ILRUN: variants seen among roughly 807,000 people sequenced by gnomAD.
The protein encoded by ILRUN is inflammation and lipid regulator with UBA-like and NBR1-like domains.
A neutral mutation model predicts 33.8 loss-of-function variants in ILRUN; 3 were observed. The observed-to-expected ratio is 0.09, with a 90% CI of 0.04 to 0.23. ILRUN has a LOEUF of 0.23. Ranked by LOEUF, ILRUN falls within the 10% of genes least tolerant of loss-of-function variation. The pLI, the probability that ILRUN is intolerant of heterozygous loss-of-function variation, is 1.00. For synonymous variants in ILRUN, 124 were observed against 138.9 expected, an observed-to-expected ratio of 0.89 and a Z score of 0.75; for missense variants, 210 against 375.1, an observed-to-expected ratio of 0.56 and a Z score of 3.64.
At chr6:34,610,717 CCTT>C (rs1761730971) in intron 3 of ILRUN, among the ~76,000 whole-genome samples, 1 of 152,190 alleles carries the variant, frequency 6.6e-6, no homozygotes, top group Non-Finnish European at 1.5e-5. Flanking sequence ...TTTTACTCCT[CCTT>C]GTCTACCACC....
chr6:34,676,602 A>G (rs1582101787), intron 1 of ILRUN, among the ~76,000 whole-genome samples: 1 of 152,050 alleles, frequency 6.6e-6, no homozygotes, highest in East Asian at 2.0e-4. Context: ...TCCTGGGCTC[A>G]AGTGATCCAA....
At chr6:34,607,897 G>A (rs190828386) in intron 3 of ILRUN, among the ~76,000 whole-genome samples, 106 of 152,188 alleles carry the variant, frequency 7.0e-4, no homozygotes, top group African/African-American at 2.2e-3. Flanking sequence ...GTTTGAGACC[G>A]TCCTGGGTGA....
At chr6:34,672,265 T>G (rs537532234) in intron 1 of ILRUN, among the ~76,000 whole-genome samples, 10 of 152,224 alleles carry the variant, frequency 6.6e-5, no homozygotes, top group African/African-American at 2.4e-4. Context: ...GGCTAATTTT[T>G]GTAATTTTAG....
rs1291804377 is a variant in ILRUN, at chr6:34,589,968, T to A, written c.*597A>T. 2 of 152,254 alleles carry A rather than the reference T, an allele frequency of 1.3e-5. No homozygotes were observed. Among genetic ancestry groups the A allele is most frequent in the Non-Finnish European group, 2.9e-5 (2 of 68,110 alleles). The allele number at this position is 152,254 out of a possible 1,614,324, so 9.4% of individuals were successfully genotyped here. A position where few individuals can be genotyped will look rare whatever the true frequency, so the allele number is the denominator to read the frequency against. On this transcript the variant is annotated 3_prime_UTR_variant, in exon 5 of 5. Coordinates refer to ENST00000374023, the MANE Select transcript of ILRUN (RefSeq NM_024294.4). ...AAAAGAGGAGGAAAAGGGTGATAAC[T>A]CATTGGCTGATGCCATTAAAAACAA... is the stretch of plus-strand genomic sequence containing the variant.
chr6:34,646,880 G>C lies in ILRUN; in HGVS notation c.314-82C>G. On this transcript the variant is annotated intron_variant, in intron 2 of 4. Transcript: ENST00000374023. This position sits in a 1 kb window ranked among gnomAD's most constrained non-coding sequence, Gnocchi z 4.9. ...AGTTTATTATGAAACTGTAGAAGAG[G>C]CCTCTTTCTTTTTCTCACATACATA... is the stretch of plus-strand genomic sequence containing the variant. 7.7e-7 allele frequency: 1 copy of C among 1,304,014 alleles called. No homozygotes were observed. The highest frequency in any genetic ancestry group is 1.1e-6 in the Non-Finnish European group (1 of 918,678). 80.8% of individuals were successfully genotyped at this position (1,304,014 alleles called of 1,614,324 possible).
At chr6:34,685,691 A>G (rs767044293) in intron 1 of ILRUN, 5 of 152,176 alleles carry the variant, frequency 3.3e-5, no homozygotes, top group Non-Finnish European at 5.9e-5. Context: ...CAGAACATTC[A>G]TAAGTTTCCT....
In ILRUN at chr6:34,613,216, A is replaced by AAAC. The variant is rs35446561; in HGVS notation, c.512-6315_512-6313dup. ...GTGACAGAGTGAGACCCTGTCTCAA[A>AAAC]AACAACAACAACAACAACAACAACA... On this transcript the variant is annotated intron_variant, in intron 3 of 4. Coordinates refer to ENST00000374023, the MANE Select transcript of ILRUN (RefSeq NM_024294.4). Among the ~76,000 whole-genome samples, 895 of 150,260 alleles carry AAAC rather than the reference A, an allele frequency of 6.0e-3. 4 individuals are homozygous for AAAC. The highest frequency in any genetic ancestry group is 0.015 in the South Asian group (70 of 4,716).
intron 3 of ILRUN, among the ~76,000 whole-genome samples, chr6:34,629,529 T>C (rs1247774604): frequency 2.0e-5 from 3 of 152,220 alleles, no homozygotes; most frequent in African/African-American, 4.8e-5. Flanking sequence ...AGAAATCATA[T>C]GTAATTCCTA....
At chr6:34,638,524 G>A (rs1762410816) in intron 3 of ILRUN, among the ~76,000 whole-genome samples, 1 of 151,532 alleles carries the variant, frequency 6.6e-6, no homozygotes, top group Non-Finnish European at 1.5e-5. Flanking sequence ...GACCAGCCTG[G>A]GCAACTTGGC....
At chr6:34,691,986 C>G (rs1346630467) in intron 1 of ILRUN, among the ~76,000 whole-genome samples, 2 of 152,148 alleles carry the variant, frequency 1.3e-5, no homozygotes, top group Non-Finnish European at 2.9e-5. Context: ...ATTTTTGAGA[C>G]AGGGTCTCAC....
intron 1 of ILRUN, among the ~76,000 whole-genome samples, chr6:34,675,804 C>T (rs749456157): frequency 2.0e-5 from 3 of 151,986 alleles, no homozygotes; most frequent in African/African-American, 4.8e-5. Flanking sequence ...GGAAAATACA[C>T]AAGTTATAGA....
chr6:34,641,558 A>T (rs1014412851), intron 3 of ILRUN, among the ~76,000 whole-genome samples: 1 of 152,214 alleles, frequency 6.6e-6, no homozygotes. Flanking sequence ...GAATTCAACG[A>T]AACATTTCAT....
At chr6:34,636,045 C>G (rs1290601379) in intron 3 of ILRUN, among the ~76,000 whole-genome samples, 1 of 152,068 alleles carries the variant, frequency 6.6e-6, no homozygotes, top group African/African-American at 2.4e-5. Flanking sequence ...TTGCTTGAGG[C>G]CAGGAATTAT....
At chr6:34,612,992 G>C (rs1214374954) in intron 3 of ILRUN, among the ~76,000 whole-genome samples, 1 of 151,632 alleles carries the variant, frequency 6.6e-6, no homozygotes, top group South Asian at 2.1e-4. Context: ...GCAGTGAGCC[G>C]AGATTGCGCC....
chr6:34,686,980 G>A (rs1581559233), intron 1 of ILRUN: 1 of 180,514 alleles, frequency 5.5e-6, no homozygotes, highest in Admixed American at 5.2e-5. Context: ...AAACTATAAA[G>A]AAGATTGTGC....
At chr6:34,632,168 T>C (rs1762259097) in intron 3 of ILRUN, among the ~76,000 whole-genome samples, 1 of 152,160 alleles carries the variant, frequency 6.6e-6, no homozygotes, top group African/African-American at 2.4e-5. Context: ...AGGCTGGGCG[T>C]GGTGGCTCAC....
intron 4 of ILRUN, among the ~76,000 whole-genome samples, chr6:34,596,181 C>G (rs205260): frequency 0.44 from 67,377 of 152,162 alleles, 16,910 homozygotes; most frequent in African/African-American, 0.69. Context: ...TGCAAACCAG[C>G]GCCCTTTCCT....
chr6:34,651,468 C>A (rs1268499949), intron 2 of ILRUN, among the ~76,000 whole-genome samples: 1 of 151,934 alleles, frequency 6.6e-6, no homozygotes, highest in Non-Finnish European at 1.5e-5. Context: ...TCCCAAAGCT[C>A]CCCATTAACC....
chr6:34,591,326 A>C (rs2127305461), intron 4 of ILRUN, among the ~76,000 whole-genome samples: 1 of 152,182 alleles, frequency 6.6e-6, no homozygotes, highest in South Asian at 2.1e-4. Context: ...ACCCACCCCT[A>C]TAAAAATTTT....
Sources: allele counts gnomAD v4.1 joint callset (sites outside exome capture counted in the v4.1 genomes callset), GRCh38; gene constraint gnomAD v4.1.1; non-coding constraint Gnocchi (gnomAD v3.1); transcripts MANE v1.5; gene names NCBI Gene and HGNC (gene_info 2026-07-23, HGNC 2026-07-21).